The following WWOX variants were observed in gnomAD, a reference collection of about 807,000 sequenced individuals.
The protein encoded by WWOX is WW domain-containing oxidoreductase.
Under a neutral mutation model 46.2 loss-of-function variants are expected in WWOX, and 69 were observed. The observed-to-expected ratio is 1.49, with a 90% CI of 1.23 to 1.82. The LOEUF (loss-of-function observed/expected upper bound fraction) is 1.82, where lower values mean the gene tolerates loss of function less well. Ranked by LOEUF, WWOX falls within the 40% of genes most tolerant of loss-of-function variation. The probability of loss-of-function intolerance (pLI) is 0.00; values close to 1 mark genes in which losing one functional copy is unlikely to be tolerated. For synonymous variants in WWOX, 359 were observed against 202.6 expected (o/e 1.77, Z -6.56); for missense variants, 919 against 542.6 (o/e 1.69, Z -6.89).
intron 8 of WWOX, among the ~76,000 whole-genome samples, chr16:78,466,658 T>TGTCTCTACTATAAACTCC (rs1343833656): frequency 3.0e-4 from 46 of 152,154 alleles, no homozygotes; most frequent in Non-Finnish European, 4.9e-4. Context: ...GGTGAAACCC[T>TGTCTCTACTATAAACTCC]GTCTCTACTA....
At chr16:78,541,884 A>ATACGTTGTATTTTTC (rs1265394679) in intron 8 of WWOX, among the ~76,000 whole-genome samples, 1 of 152,128 alleles carries the variant, frequency 6.6e-6, no homozygotes, top group East Asian at 1.9e-4. Context: ...TTGCTTTTGT[A>ATACGTTGTATTTTTC]ATATGAAAAA....
chr16:78,509,422 G>C (rs1267257399), intron 8 of WWOX, among the ~76,000 whole-genome samples: 2 of 142,470 alleles, frequency 1.4e-5, no homozygotes, highest in Non-Finnish European at 3.1e-5. Flanking sequence ...ATTGGTGACA[G>C]AGCGAGACTC....
At chr16:78,439,373 A>G (rs1597087334) in intron 8 of WWOX, among the ~76,000 whole-genome samples, 1 of 152,286 alleles carries the variant, frequency 6.6e-6, no homozygotes, top group Non-Finnish European at 1.5e-5. Context: ...CTGTCAACAG[A>G]AGGACCTGGT....
At chr16:78,507,660 C>G (rs1366248525) in intron 8 of WWOX, among the ~76,000 whole-genome samples, 1 of 152,148 alleles carries the variant, frequency 6.6e-6, no homozygotes, top group Non-Finnish European at 1.5e-5. Flanking sequence ...CCGTCTCCAG[C>G]CAGATCAGCA....
chr16:78,617,332 G>A (rs553631390), intron 8 of WWOX, among the ~76,000 whole-genome samples: 30 of 151,588 alleles, frequency 2.0e-4, no homozygotes, highest in African/African-American at 7.0e-4. Flanking sequence ...AGCCCAGGAG[G>A]CAGAGGTTGC....
intron 8 of WWOX, among the ~76,000 whole-genome samples, chr16:78,668,368 C>A (rs2047381578): frequency 1.3e-5 from 2 of 152,170 alleles, no homozygotes; most frequent in South Asian, 4.1e-4. Flanking sequence ...CTTGGGAATT[C>A]CGTAAGTACT....
At chr16:78,433,264 G>C (rs755674913) in intron 8 of WWOX, among the ~76,000 whole-genome samples, 66 of 152,126 alleles carry the variant, frequency 4.3e-4, no homozygotes, top group African/African-American at 1.2e-3. Context: ...AGCTAGGAGT[G>C]TGTTTTCTTC....
At position 78,419,510 on chromosome 16, in the gene WWOX, G is replaced by A. The variant is rs368698371; in HGVS notation, c.606-5360G>A. On this transcript the variant is annotated intron_variant, in intron 6 of 8. Transcript: ENST00000566780. ...ATATTGTGAATTGATTTTCAGCAAG[G>A]ATGCCAAGACAATTCAAAATAGTCT... 5.4e-4 allele frequency among the ~76,000 whole-genome samples: 82 copies of A among 150,936 alleles called. No homozygotes were observed. The East Asian group carries it at 0.01, about 19-fold the overall frequency.
intron 8 of WWOX, among the ~76,000 whole-genome samples, chr16:78,935,938 C>A (rs1410212785): frequency 1.3e-5 from 2 of 151,838 alleles, no homozygotes; most frequent in Non-Finnish European, 1.5e-5. Context: ...AAATAAGCAG[C>A]AGCAGCAGCA....
intron 8 of WWOX, among the ~76,000 whole-genome samples, chr16:79,050,562 C>T (rs995006633): frequency 6.6e-6 from 1 of 152,174 alleles, no homozygotes; most frequent in African/African-American, 2.4e-5. Flanking sequence ...AGTCCCAAAG[C>T]CCGGGGCATG....
At chr16:78,958,291 C>T (rs1469442743) in intron 8 of WWOX, among the ~76,000 whole-genome samples, 2 of 152,044 alleles carry the variant, frequency 1.3e-5, no homozygotes, top group Admixed American at 1.3e-4. Context: ...CAAATAGTGT[C>T]ATCAAAATAA....
chr16:78,775,842 C>T (rs545203920), intron 8 of WWOX, among the ~76,000 whole-genome samples: 6 of 152,282 alleles, frequency 3.9e-5, no homozygotes, highest in African/African-American at 1.4e-4. Flanking sequence ...TGTGATCCTC[C>T]GTTTTAACCC....
In WWOX at chr16:78,417,831, T is replaced by C. The variant is rs78617498; in HGVS notation, c.606-7039T>C. On this transcript the variant is annotated intron_variant, in intron 6 of 8. Coordinates refer to ENST00000566780, the MANE Select transcript of WWOX (RefSeq NM_016373.4). ...ATTGACAATTGTAGTGGGCACCCTATGTGGAAAACAGGTGTTGTCAAATAA... is the reference window on the plus strand; with the variant it reads ...ATTGACAATTGTAGTGGGCACCCTACGTGGAAAACAGGTGTTGTCAAATAA... Among the ~76,000 whole-genome samples the C allele has an allele frequency of 7.7e-3, 1,171 of 152,280 alleles. 15 individuals carry two copies. Among genetic ancestry groups the C allele is most frequent in the African/African-American group, 0.027 (1,129 of 41,554 alleles).
intron 8 of WWOX, among the ~76,000 whole-genome samples, chr16:79,195,459 C>G (rs935633601): frequency 2.0e-5 from 3 of 152,096 alleles, no homozygotes; most frequent in African/African-American, 7.2e-5. Flanking sequence ...TGGCTGTGGG[C>G]AGTTCCTGAG....
intron 5 of WWOX, among the ~76,000 whole-genome samples, chr16:78,177,739 C>T (rs2035396430): frequency 6.6e-6 from 1 of 152,142 alleles, no homozygotes; most frequent in African/African-American, 2.4e-5. Flanking sequence ...GTGATACAGT[C>T]CATACTCAGT....
rs151013267 is a variant in WWOX at position 78,346,735 on chromosome 16, C to T, written c.517-40125C>T. ...ATTTACTTTTTTTGAGATGGAGTCT[C>T]GCTCTGTTGCCCAGTCTGGAGAGCA... On this transcript the variant is annotated intron_variant, in intron 5 of 8. Transcript: ENST00000566780. 1.3e-4 allele frequency among the ~76,000 whole-genome samples: 16 copies of T among 119,048 alleles called. 1 individual carries two copies. Among genetic ancestry groups the T allele is most frequent in the Admixed American group, 5.7e-4 (7 of 12,182 alleles). The allele number at this position is 119,048 out of a possible 152,430, so 78.1% of individuals were successfully genotyped here.
chr16:78,158,647 T>G (rs2034682499), intron 4 of WWOX, among the ~76,000 whole-genome samples: 1 of 152,208 alleles, frequency 6.6e-6, no homozygotes, highest in Non-Finnish European at 1.5e-5. Flanking sequence ...GGTATAAAGT[T>G]GTTCACCATA....
chr16:78,897,545 T>C (rs2044731853), intron 8 of WWOX: 1 of 152,164 alleles, frequency 6.6e-6, no homozygotes, highest in African/African-American at 2.4e-5. Flanking sequence ...GTGGTGAAAA[T>C]ACACCACAAT....
chr16:78,575,050 T>TATATAA (rs2044834591), intron 8 of WWOX, among the ~76,000 whole-genome samples: 1 of 12,282 alleles, frequency 8.1e-5, no homozygotes, highest in Non-Finnish European at 1.7e-4. Flanking sequence ...TATATATATA[T>TATATAA]ATATATATAT....
Sources: allele counts gnomAD v4.1 joint callset (sites outside exome capture counted in the v4.1 genomes callset), GRCh38; gene constraint gnomAD v4.1.1; transcripts MANE v1.5; gene names NCBI Gene and HGNC (gene_info 2026-07-23, HGNC 2026-07-21).